Variants in WNT2 observed in about 807,000 individuals in gnomAD.
WNT2 encodes the protein protein Wnt-2.
In WNT2, 12 loss-of-function variants were observed where a neutral mutation model predicts 36.9. That is an observed-to-expected ratio of 0.33 (90% CI 0.21 to 0.53). WNT2 has a LOEUF of 0.53. WNT2 is among the 20% of genes least tolerant of loss of function. WNT2 has a pLI of 0.95. For missense variants in WNT2, 379 were observed against 473.1 expected (o/e 0.80, Z 1.84); for synonymous variants, 163 against 174.6 (o/e 0.93, Z 0.52).
intron 3 of WNT2, among the ~76,000 whole-genome samples, chr7:117,298,817 C>A (rs752502303): frequency 1.3e-5 from 2 of 152,184 alleles, no homozygotes; most frequent in African/African-American, 2.4e-5. Flanking sequence ...CTGGTCCTCA[C>A]AACAACTTTG....
chr7:117,307,758 A>C (rs1795040829), intron 3 of WNT2, among the ~76,000 whole-genome samples: 1 of 152,152 alleles, frequency 6.6e-6, no homozygotes, highest in Non-Finnish European at 1.5e-5. Context: ...AAGTTTATGA[A>C]CCCTGTGTCA....
chr7:117,280,633 G>A (rs1041222662), intron 4 of WNT2, among the ~76,000 whole-genome samples: 3 of 152,176 alleles, frequency 2.0e-5, no homozygotes, highest in Non-Finnish European at 2.9e-5. Context: ...GACAATCAGC[G>A]TTCAAATCCC....
chr7:117,298,579 T>C (rs555536542), intron 3 of WNT2, among the ~76,000 whole-genome samples: 6 of 152,278 alleles, frequency 3.9e-5, no homozygotes, highest in African/African-American at 1.4e-4. Flanking sequence ...CAAAGGAAAC[T>C]GGGACAAGCT....
In WNT2 at chr7:117,278,030, TC is replaced by T; in HGVS notation, c.*124del. 9.0e-7 allele frequency: 1 copy of T among 1,114,804 alleles called. No homozygotes were observed. Among genetic ancestry groups the T allele is most frequent in the East Asian group, 2.5e-5 (1 of 39,416 alleles). The allele number at this position is 1,114,804 out of a possible 1,614,324, so 69.1% of individuals were successfully genotyped here. A position where few individuals can be genotyped will look rare whatever the true frequency, so the allele number is the denominator to read the frequency against. On this transcript the variant is annotated 3_prime_UTR_variant, in exon 5 of 5. Transcript: ENST00000265441. Reference sequence around the variant, plus strand: ...GGCCCCCAGGGAGGAAGAGGGGGCTTCCGTTGAGATAAAGGCCACATGCCTT... The same window carrying T: ...GGCCCCCAGGGAGGAAGAGGGGGCTTCGTTGAGATAAAGGCCACATGCCTT...
intron 4 of WNT2, among the ~76,000 whole-genome samples, chr7:117,289,969 A>G (rs1794657393): frequency 6.6e-6 from 1 of 152,128 alleles, no homozygotes; most frequent in Non-Finnish European, 1.5e-5. Context: ...ATGCTTGACC[A>G]TGGAAGTGGG....
chr7:117,293,383 C>A (rs979634632), intron 4 of WNT2, among the ~76,000 whole-genome samples: 9 of 152,068 alleles, frequency 5.9e-5, no homozygotes, highest in African/African-American at 2.2e-4. Flanking sequence ...ACCTGCTCAC[C>A]ACCATCGCTT....
intron 2 of WNT2, among the ~76,000 whole-genome samples, chr7:117,317,243 A>G (rs989610550): frequency 3.3e-5 from 5 of 152,230 alleles, no homozygotes; most frequent in Admixed American, 2.0e-4. Context: ...TTCGAAAGCA[A>G]CAAGAGAAAT....
At chr7:117,283,589 T>C (rs1794533374) in intron 4 of WNT2, among the ~76,000 whole-genome samples, 1 of 152,186 alleles carries the variant, frequency 6.6e-6, no homozygotes, top group Admixed American at 6.5e-5. Flanking sequence ...GTAATGGTCA[T>C]GGTGTCTTTT....
intron 3 of WNT2, among the ~76,000 whole-genome samples, chr7:117,302,968 C>G (rs1168224431): frequency 3.3e-5 from 5 of 152,114 alleles, no homozygotes; most frequent in South Asian, 2.1e-4. Context: ...AGTAAAATAA[C>G]AGGAATTTGA....
chr7:117,306,482 G>A (rs1048247037), intron 3 of WNT2, among the ~76,000 whole-genome samples: 4 of 152,214 alleles, frequency 2.6e-5, no homozygotes, highest in Non-Finnish European at 5.9e-5. Flanking sequence ...GATACCGAAA[G>A]CTTCCTTCAG....
chr7:117,322,896 C>G lies in WNT2; in HGVS notation c.83+11G>C. On this transcript the variant is annotated intron_variant, in intron 1 of 4. Coordinates refer to ENST00000265441, the MANE Select transcript of WNT2 (RefSeq NM_003391.3). The surrounding 1 kb of genome is among the most constrained non-coding windows in gnomAD (Gnocchi z 5.4). ...CTCCAAAATCCCCCGCGCCCGTGCG[C>G]GTGGACTTACCACCATGAAGAGTTG... 1 of 1,613,466 alleles carries G rather than the reference C, an allele frequency of 6.2e-7. No individual in the cohort carries two copies. The highest frequency in any genetic ancestry group is 1.7e-5 in the Admixed American group (1 of 60,028).
chr7:117,291,736 CATA>C (rs1794692877), intron 4 of WNT2, among the ~76,000 whole-genome samples: 2 of 152,264 alleles, frequency 1.3e-5, no homozygotes, highest in South Asian at 2.1e-4. Flanking sequence ...TTGTTCTTGC[CATA>C]ATAATATCTT....
intron 4 of WNT2, 34 bp downstream of exon 4, chr7:117,297,578 A>G (rs777790312): frequency 4.4e-6 from 7 of 1,589,100 alleles, no homozygotes; most frequent in East Asian, 4.5e-5. Context: ...TGTTGAAAGA[A>G]TTAGGTACTA....
At chr7:117,300,299 G>A (rs1247079600) in intron 3 of WNT2, among the ~76,000 whole-genome samples, 1 of 152,152 alleles carries the variant, frequency 6.6e-6, no homozygotes, top group Non-Finnish European at 1.5e-5. Flanking sequence ...CGATTCTACT[G>A]CCTCAGCCTC....
In WNT2 at chr7:117,322,966, G is replaced by T; in HGVS notation, c.24C>A (p.Ile8=). 1 of 1,613,432 alleles carries T rather than the reference G, an allele frequency of 6.2e-7. No individual in the cohort carries two copies. Among genetic ancestry groups the T allele is most frequent in the Non-Finnish European group, 8.5e-7 (1 of 1,179,892 alleles). ...TCAAGAGCAGAGGGAGCCAGAGCCA[G>T]ATTCCACCGAGAGGGGCGTTCATAT... MNAPLGG[I]WLWLPLLLTW... is the part of the protein sequence containing the mutation. Residue 8 remains isoleucine (I), a synonymous_variant, in exon 1 of 5, where the codon ATC becomes ATA. Transcript: ENST00000265441. This position sits in a 1 kb window ranked among gnomAD's most constrained non-coding sequence, Gnocchi z 5.4.
intron 3 of WNT2, among the ~76,000 whole-genome samples, chr7:117,309,232 C>T (rs2239956): frequency 0.38 from 57,397 of 151,784 alleles, 11,024 homozygotes; most frequent in East Asian, 0.56. Flanking sequence ...GATTTGCTTG[C>T]TTGTAAAGTT....
intron 3 of WNT2, among the ~76,000 whole-genome samples, chr7:117,308,794 G>A (rs1037518036): frequency 1.3e-5 from 2 of 152,244 alleles, no homozygotes; most frequent in African/African-American, 4.8e-5. Flanking sequence ...TACTTTCTAA[G>A]AGTGTGATTT....
At chr7:117,313,633 T>C (rs1397281901) in intron 3 of WNT2, among the ~76,000 whole-genome samples, 1 of 152,236 alleles carries the variant, frequency 6.6e-6, no homozygotes, top group Admixed American at 6.5e-5. Context: ...GAAATCTAAC[T>C]ATATACCCTG....
chr7:117,320,691 C>T lies in WNT2; in HGVS notation c.186G>A (p.Met62Ile). ...CGGCCACGCCCTGGCTAATGGCACG[C>T]ATCACATCTGGATGTCGGTGACACA... Reference protein sequence around the residue: ...RQLCHRHPDVMRAISQGVAEW... With the variant: ...RQLCHRHPDVIRAISQGVAEW... The change falls in exon 2 of 5, where the codon ATG becomes ATA. Residue 62 changes from methionine (M) to isoleucine (I), a missense_variant. Transcript: ENST00000265441. The T allele has an allele frequency of 6.2e-7, 1 of 1,614,062 alleles. No individual in the cohort carries two copies. The highest frequency in any genetic ancestry group is 1.1e-5 in the South Asian group (1 of 91,004).
Sources: allele counts gnomAD v4.1 joint callset (sites outside exome capture counted in the v4.1 genomes callset), GRCh38; gene constraint gnomAD v4.1.1; non-coding constraint Gnocchi (gnomAD v3.1); transcripts MANE v1.5; gene names NCBI Gene and HGNC (gene_info 2026-07-23, HGNC 2026-07-21).